The following DNAJC25 variants were observed in gnomAD, a reference collection of about 807,000 sequenced individuals.
DNAJC25 encodes the protein dnaJ homolog subfamily C member 25.
In DNAJC25, 26 loss-of-function variants were observed where a neutral mutation model predicts 42.1. That is an observed-to-expected ratio of 0.62 (90% CI 0.45 to 0.86). DNAJC25 has a LOEUF of 0.86. Ranked by LOEUF, DNAJC25 falls within the 40% of genes least tolerant of loss-of-function variation. The probability of loss-of-function intolerance (pLI) is 0.00; values close to 1 mark genes in which losing one functional copy is unlikely to be tolerated. For synonymous variants in DNAJC25, 189 were observed against 179.9 expected (o/e 1.05, Z -0.40); for missense variants, 404 against 459.4 (o/e 0.88, Z 1.10).
At chr9:111,647,647 A>G (rs1294984328) in intron 2 of DNAJC25, among the ~76,000 whole-genome samples, 2 of 152,262 alleles carry the variant, frequency 1.3e-5, no homozygotes, top group African/African-American at 4.8e-5. Flanking sequence ...ACCAGTCACC[A>G]AATGCCAGTA....
chr9:111,648,461 G>A (rs1017495255), intron 2 of DNAJC25, among the ~76,000 whole-genome samples: 6 of 151,546 alleles, frequency 4.0e-5, no homozygotes, highest in East Asian at 1.9e-4. Flanking sequence ...GTAGAGACAC[G>A]GTTTTGCCGT....
chr9:111,644,660 C>G (rs867632153), intron 1 of DNAJC25, among the ~76,000 whole-genome samples: 1 of 152,048 alleles, frequency 6.6e-6, no homozygotes, highest in Non-Finnish European at 1.5e-5. Context: ...TGTGGCATTT[C>G]GTTTAAAAGC....
In DNAJC25 at chr9:111,653,080, C is replaced by G; in HGVS notation, c.961-20C>G. ...GTTCCTCTTTGGATTGTGAAGTCAT[C>G]TAGTTATTTATACTTACAGGTCTAC... On this transcript the variant is annotated intron_variant, in intron 3 of 3. Transcript: ENST00000313525. 2 of 1,562,268 alleles carry G rather than the reference C, an allele frequency of 1.3e-6. No homozygotes were observed. The highest frequency in any genetic ancestry group is 1.7e-6 in the Non-Finnish European group (2 of 1,154,388).
intron 1 of DNAJC25, among the ~76,000 whole-genome samples, chr9:111,641,802 A>G (rs1233927028): frequency 8.2e-5 from 5 of 60,718 alleles, no homozygotes; most frequent in Admixed American, 3.3e-4. Context: ...TCCGGGAGGG[A>G]GGTGGGGGGG....
chr9:111,650,379 A>ATTC (rs1830640573), intron 3 of DNAJC25, among the ~76,000 whole-genome samples: 1 of 151,898 alleles, frequency 6.6e-6, no homozygotes, highest in South Asian at 2.1e-4. Flanking sequence ...AGCACAAGAT[A>ATTC]TTCTGCGTAA....
At chr9:111,646,312 A>G (rs537535560) in intron 1 of DNAJC25, among the ~76,000 whole-genome samples, 2 of 152,334 alleles carry the variant, frequency 1.3e-5, no homozygotes, top group Admixed American at 1.3e-4. Context: ...AGAATCAGAG[A>G]ATATATTTTT....
intron 1 of DNAJC25, among the ~76,000 whole-genome samples, chr9:111,645,637 TAA>T (rs1164523113): frequency 6.6e-6 from 1 of 152,166 alleles, no homozygotes; most frequent in Non-Finnish European, 1.5e-5. Context: ...ACTTTAAATC[TAA>T]AAAACTACAT....
chr9:111,652,377 G>C (rs574245163), intron 3 of DNAJC25, among the ~76,000 whole-genome samples: 2 of 151,100 alleles, frequency 1.3e-5, no homozygotes, highest in Admixed American at 6.6e-5. Context: ...AATTAGCCGG[G>C]CGTGGTGGCA....
At chr9:111,639,525 A>C (rs1413756551) in intron 1 of DNAJC25, among the ~76,000 whole-genome samples, 5 of 152,174 alleles carry the variant, frequency 3.3e-5, no homozygotes, top group African/African-American at 1.2e-4. Context: ...AAGAGAAGAT[A>C]GAGAAGAAGA....
intron 3 of DNAJC25, among the ~76,000 whole-genome samples, chr9:111,650,508 A>G (rs1265358189): frequency 6.6e-6 from 1 of 152,240 alleles, no homozygotes; most frequent in Non-Finnish European, 1.5e-5. Flanking sequence ...GTCACCTACA[A>G]AAATTACTTC....
chr9:111,653,255 A>G lies in DNAJC25; in HGVS notation c.*33A>G, dbSNP rs1215365285. 6.9e-7 allele frequency: 1 copy of G among 1,451,464 alleles called. No individual in the cohort carries two copies. The highest frequency in any genetic ancestry group is 2.4e-5 in the Admixed American group (1 of 42,462). 89.9% of individuals were successfully genotyped at this position (1,451,464 alleles called of 1,614,324 possible). A position where few individuals can be genotyped will look rare whatever the true frequency, so the allele number is the denominator to read the frequency against. On this transcript the variant is annotated 3_prime_UTR_variant, in exon 4 of 4. Coordinates refer to ENST00000313525, the MANE Select transcript of DNAJC25 (RefSeq NM_001015882.3). The stretch of plus-strand genomic sequence containing the variant: ...TGGAATGCTACTATGCCAAACCTTA[A>G]TTGTGATATTATTTTCATAACTGAA...
chr9:111,636,743 A>G (rs948549313), intron 1 of DNAJC25, among the ~76,000 whole-genome samples: 1 of 152,200 alleles, frequency 6.6e-6, no homozygotes, highest in Non-Finnish European at 1.5e-5. Context: ...ATTACCTGGA[A>G]CAAAACTCTT....
At chr9:111,644,026 G>T (rs999419756) in intron 1 of DNAJC25, among the ~76,000 whole-genome samples, 1 of 152,198 alleles carries the variant, frequency 6.6e-6, no homozygotes, top group African/African-American at 2.4e-5. Context: ...CAGTATGCAT[G>T]AAAACTGATC....
intron 1 of DNAJC25, among the ~76,000 whole-genome samples, chr9:111,640,088 C>T (rs1442021693): frequency 6.6e-6 from 1 of 151,826 alleles, no homozygotes; most frequent in Non-Finnish European, 1.5e-5. Context: ...AGGCACGCGC[C>T]GCCACGCCTG....
chr9:111,641,528 T>G (rs1356575151), intron 1 of DNAJC25, among the ~76,000 whole-genome samples: 1 of 53,986 alleles, frequency 1.9e-5, no homozygotes. Flanking sequence ...GGGAGGGAGG[T>G]GGGGGGGTCG....
At chr9:111,635,759 G>A (rs1265108398) in intron 1 of DNAJC25, among the ~76,000 whole-genome samples, 1 of 152,234 alleles carries the variant, frequency 6.6e-6, no homozygotes, top group African/African-American at 2.4e-5. Flanking sequence ...TATTTGATAA[G>A]TTGAAAGGAT....
At chr9:111,650,044 T>C in intron 3 of DNAJC25, 121 bp downstream of exon 3, 1 of 909,794 alleles carries the variant, frequency 1.1e-6, no homozygotes, top group Non-Finnish European at 1.5e-6. Flanking sequence ...GTTAAACAAT[T>C]AGTAAAGACC....
At position 111,647,266 on chromosome 9, in the gene DNAJC25, A is replaced by G. The variant is rs775762343; in HGVS notation, c.489+7A>G. On this transcript the variant is annotated splice_region_variant and intron_variant, in intron 2 of 3. Transcript: ENST00000313525. ...TGCTATTTCGGTGTTTCAGGTATGT[A>G]TCAATGGATATTTTTATCTACATTT... 2 of 1,613,938 alleles carry G rather than the reference A, an allele frequency of 1.2e-6. No individual in the cohort carries two copies. Among genetic ancestry groups the G allele is most frequent in the Non-Finnish European group, 1.7e-6 (2 of 1,179,940 alleles).
intron 1 of DNAJC25, among the ~76,000 whole-genome samples, chr9:111,645,016 A>T (rs1830546431): frequency 6.6e-6 from 1 of 152,192 alleles, no homozygotes. Context: ...CTGCCACAAG[A>T]AAATCCTTTT....
Sources: allele counts gnomAD v4.1 joint callset (sites outside exome capture counted in the v4.1 genomes callset), GRCh38; gene constraint gnomAD v4.1.1; transcripts MANE v1.5; gene names NCBI Gene and HGNC (gene_info 2026-07-23, HGNC 2026-07-21).